Variants in SGCZ observed in about 807,000 individuals in gnomAD.
SGCZ encodes the protein zeta-sarcoglycan.
SGCZ carries 40 observed loss-of-function variants against 41.3 expected under a neutral mutation model. That is an observed-to-expected ratio of 0.97 (90% CI 0.75 to 1.26). SGCZ has a LOEUF of 1.26. SGCZ is among the 50% of genes most tolerant of loss of function. The pLI, the probability that SGCZ is intolerant of heterozygous loss-of-function variation, is 0.00. For missense variants in SGCZ, 552 were observed against 369.8 expected (o/e 1.49, Z -4.04); for synonymous variants, 206 against 137.5 (o/e 1.50, Z -3.49).
intron 4 of SGCZ, among the ~76,000 whole-genome samples, chr8:14,202,521 T>C (rs139637749): frequency 6.9e-4 from 105 of 151,792 alleles, no homozygotes; most frequent in Admixed American, 1.6e-3. Context: ...AAACTATTCA[T>C]ACTTGGATAA....
At chr8:15,045,252 G>C (rs1382771122) in intron 1 of SGCZ, among the ~76,000 whole-genome samples, 1 of 152,018 alleles carries the variant, frequency 6.6e-6, no homozygotes, top group Non-Finnish European at 1.5e-5. Flanking sequence ...ATAAAATTCA[G>C]ATAGATTGGG....
Position 14,821,658 on chromosome 8 carries a change from A to G in SGCZ, c.40-266732T>C, listed in dbSNP as rs750332927. On this transcript the variant is annotated intron_variant, in intron 1 of 7. Coordinates refer to ENST00000382080, the MANE Select transcript of SGCZ (RefSeq NM_139167.4). ...GATTCTATGATGCAAGAATGTCTTA[A>G]CATACCCAAATCATTAAATGTGATA... Among the ~76,000 whole-genome samples, 288 of 152,258 alleles carry G rather than the reference A, an allele frequency of 1.9e-3. 1 individual carries two copies. Among genetic ancestry groups the G allele is most frequent in the Non-Finnish European group, 2.6e-3 (178 of 67,964 alleles).
At chr8:14,609,407 A>T (rs552209671) in intron 1 of SGCZ, among the ~76,000 whole-genome samples, 46 of 152,288 alleles carry the variant, frequency 3.0e-4, no homozygotes, top group African/African-American at 1.1e-3. Context: ...TCTATAAGTC[A>T]CTTTGAGATT....
At chr8:14,163,737 G>A (rs773719575) in intron 5 of SGCZ, among the ~76,000 whole-genome samples, 23 of 152,232 alleles carry the variant, frequency 1.5e-4, no homozygotes, top group South Asian at 4.1e-4. Context: ...TTCTTCAATT[G>A]CCATGCTAAC....
At chr8:15,082,966 CA>C (rs1805808134) in intron 1 of SGCZ, among the ~76,000 whole-genome samples, 1 of 151,842 alleles carries the variant, frequency 6.6e-6, no homozygotes, top group Non-Finnish European at 1.5e-5. Context: ...CTAGATTTCA[CA>C]GTCTGATTTT....
At chr8:14,397,033 C>CA (rs1563302632) in intron 2 of SGCZ, among the ~76,000 whole-genome samples, 1 of 152,080 alleles carries the variant, frequency 6.6e-6, no homozygotes, top group Non-Finnish European at 1.5e-5. Context: ...TTACAGGACT[C>CA]AAATTTATCA....
chr8:14,430,354 A>C (rs1261794794), intron 2 of SGCZ, among the ~76,000 whole-genome samples: 3 of 152,222 alleles, frequency 2.0e-5, no homozygotes, highest in African/African-American at 7.2e-5. Flanking sequence ...ACCATAATCA[A>C]GTGGGTTTCA....
At chr8:15,068,339 G>C (rs28591461) in intron 1 of SGCZ, among the ~76,000 whole-genome samples, 1 of 151,880 alleles carries the variant, frequency 6.6e-6, no homozygotes, top group Non-Finnish European at 1.5e-5. Context: ...TTTTCAGTGA[G>C]GCCCACACTG....
intron 1 of SGCZ, among the ~76,000 whole-genome samples, chr8:15,100,996 T>C (rs1263181077): frequency 6.6e-6 from 1 of 152,050 alleles, no homozygotes. Context: ...AAATACTCTT[T>C]ACCCAACTTG....
chr8:14,513,887 C>A (rs1049063189), intron 2 of SGCZ, among the ~76,000 whole-genome samples: 4 of 151,884 alleles, frequency 2.6e-5, no homozygotes, highest in Non-Finnish European at 2.9e-5. Context: ...TTTTGGGGGA[C>A]AATGTGAACT....
At chr8:14,862,395 GAAC>G (rs1262575135) in intron 1 of SGCZ, among the ~76,000 whole-genome samples, 1 of 151,804 alleles carries the variant, frequency 6.6e-6, no homozygotes, top group African/African-American at 2.4e-5. Flanking sequence ...GAAAAATGGA[GAAC>G]ATCATCTATG....
intron 1 of SGCZ, among the ~76,000 whole-genome samples, chr8:14,852,133 G>C (rs1158258239): frequency 6.6e-6 from 1 of 152,052 alleles, no homozygotes; most frequent in African/African-American, 2.4e-5. Flanking sequence ...AAGAGGCAAT[G>C]CTTTAAGACT....
At chr8:14,651,798 T>C (rs1006337289) in intron 1 of SGCZ, among the ~76,000 whole-genome samples, 1 of 152,130 alleles carries the variant, frequency 6.6e-6, no homozygotes. Flanking sequence ...TTCTACTCTG[T>C]AATAGATGTC....
chr8:15,143,109 A>G (rs903338930), intron 1 of SGCZ, among the ~76,000 whole-genome samples: 6 of 152,204 alleles, frequency 3.9e-5, no homozygotes, highest in African/African-American at 7.2e-5. Flanking sequence ...TAGCAATACC[A>G]TATGTGGATA....
chr8:14,900,940 C>A (rs1390643634), intron 1 of SGCZ, among the ~76,000 whole-genome samples: 2 of 152,140 alleles, frequency 1.3e-5, no homozygotes, highest in Non-Finnish European at 2.9e-5. Flanking sequence ...CAAACCCTAC[C>A]TATAAAGTAT....
chr8:14,790,138 G>A (rs1160293941), intron 1 of SGCZ, among the ~76,000 whole-genome samples: 2 of 152,136 alleles, frequency 1.3e-5, no homozygotes, highest in Non-Finnish European at 2.9e-5. Flanking sequence ...GTGTTCATTA[G>A]AAATAGGAAA....
chr8:14,542,362 A>C (rs1803496661), intron 2 of SGCZ, among the ~76,000 whole-genome samples: 1 of 152,126 alleles, frequency 6.6e-6, no homozygotes, highest in Admixed American at 6.6e-5. Context: ...GGCACTATCA[A>C]CAAAATTGCA....
chr8:14,285,691 A>G lies in SGCZ; in HGVS notation c.336+38412T>C, dbSNP rs545033296. ...CCTGACTATCCCAAGAATAGTGGAT[A>G]GTTGTACAGAAACCAGGGGAAAGTG... is the stretch of plus-strand genomic sequence containing the variant. On this transcript the variant is annotated intron_variant, in intron 3 of 7. Coordinates refer to ENST00000382080, the MANE Select transcript of SGCZ (RefSeq NM_139167.4). Among the ~76,000 whole-genome samples the G allele has an allele frequency of 2.6e-5, 4 of 152,152 alleles. No individual in the cohort carries two copies. In the East Asian group the frequency reaches 7.7e-4, roughly 29 times the overall value.
intron 2 of SGCZ, among the ~76,000 whole-genome samples, chr8:14,530,284 T>C (rs935674120): frequency 7.9e-5 from 12 of 152,126 alleles, no homozygotes; most frequent in Middle Eastern, 6.8e-3. Context: ...AGTCTCAAAA[T>C]ATAAGTGATC....
Sources: allele counts gnomAD v4.1 joint callset (sites outside exome capture counted in the v4.1 genomes callset), GRCh38; gene constraint gnomAD v4.1.1; transcripts MANE v1.5; gene names NCBI Gene and HGNC (gene_info 2026-07-23, HGNC 2026-07-21).